The following MAN2B2 variants were observed in gnomAD, a reference collection of about 807,000 sequenced individuals.
MAN2B2 encodes mannosidase alpha class 2B member 2.
Under a neutral mutation model 117.1 loss-of-function variants are expected in MAN2B2, and 106 were observed. The observed-to-expected ratio is 0.90, with a 90% confidence interval of 0.77 to 1.06. MAN2B2 has a LOEUF of 1.06. MAN2B2 is among the 50% of genes least tolerant of loss of function. The probability of loss-of-function intolerance (pLI) is 0.00; values close to 1 mark genes in which losing one functional copy is unlikely to be tolerated. For synonymous variants in MAN2B2, 544 were observed against 595.1 expected (o/e 0.91, Z 1.25); for missense variants, 1,326 against 1,381.4 (o/e 0.96, Z 0.64).
intron 5 of MAN2B2, 25 bp from the exon 6 acceptor site, chr4:6,593,148 G>A (rs112776271): frequency 1.9e-6 from 3 of 1,610,432 alleles, no homozygotes; most frequent in African/African-American, 2.7e-5. Flanking sequence ...CGTGTCTTCT[G>A]CCCTAACCTT....
At chr4:6,579,319 TCACCAC>T (rs748293245) in intron 3 of MAN2B2, among the ~76,000 whole-genome samples, 846 of 17,350 alleles carry the variant, frequency 0.049, 54 homozygotes, top group Middle Eastern at 0.36. Flanking sequence ...ACCACCACCA[TCACCAC>T]CACCACCACC....
chr4:6,579,203 AT>A (rs1726268042), intron 3 of MAN2B2, among the ~76,000 whole-genome samples: 1 of 72,572 alleles, frequency 1.4e-5, no homozygotes, highest in Non-Finnish European at 3.3e-5. Context: ...CACCACCACC[AT>A]CACCATCACC....
At chr4:6,592,020 G>A (rs961271786) in intron 5 of MAN2B2, among the ~76,000 whole-genome samples, 4 of 152,214 alleles carry the variant, frequency 2.6e-5, no homozygotes, top group East Asian at 1.9e-4. Context: ...TGGAGCCAGC[G>A]TTGGATTCAG....
chr4:6,608,598 CTTGGG>C (rs1413614731), intron 11 of MAN2B2, among the ~76,000 whole-genome samples: 1 of 152,212 alleles, frequency 6.6e-6, no homozygotes, highest in Non-Finnish European at 1.5e-5. Context: ...GATGTGTGAT[CTTGGG>C]TACATGATGT....
At chr4:6,596,999 G>C in intron 7 of MAN2B2, 114 bp from the exon 8 acceptor site, 2 of 1,056,140 alleles carry the variant, frequency 1.9e-6, no homozygotes, top group East Asian at 5.2e-5. Context: ...CTCCTTGGGT[G>C]ACCCTGGCAG....
rs754593597 is a variant in MAN2B2 at position 6,605,323 on chromosome 4, G to C, written c.1808G>C (p.Trp603Ser). 7 of 1,607,990 alleles carry C rather than the reference G, an allele frequency of 4.4e-6. No individual in the cohort carries two copies. Among genetic ancestry groups the C allele is most frequent in the Non-Finnish European group, 6.0e-6 (7 of 1,175,294 alleles). ...GATACCAACCTGATGCACAGCATCTGGGAGAGGTAAGGTGCAGCCATTGCT... is the reference window on the plus strand; with the variant it reads ...GATACCAACCTGATGCACAGCATCTCGGAGAGGTAAGGTGCAGCCATTGCT... ...DQDTNLMHSIWERQSNRTVRV... is the reference protein window; with the variant it reads ...DQDTNLMHSISERQSNRTVRV... Residue 603 changes from tryptophan to serine, a missense_variant, in exon 11 of 19, where the codon TGG (tryptophan) becomes TCG (serine). Transcript: ENST00000285599.
intron 11 of MAN2B2, among the ~76,000 whole-genome samples, chr4:6,607,933 C>T (rs1199809005): frequency 2.0e-5 from 3 of 152,136 alleles, no homozygotes; most frequent in Admixed American, 1.3e-4. Flanking sequence ...TTCTCGTGGG[C>T]GAGAAGTGGC....
In MAN2B2 at chr4:6,605,072, G is replaced by C; in HGVS notation, c.1557G>C (p.Glu519Asp). The C allele has an allele frequency of 6.2e-7, 1 of 1,613,340 alleles. No homozygotes were observed. The highest frequency in any genetic ancestry group is 8.5e-7 in the Non-Finnish European group (1 of 1,179,410). Reference protein sequence around the residue: ...PVPSQIQNSTETPSAYDLLIL... With the variant: ...PVPSQIQNSTDTPSAYDLLIL... ...CCTTGCAGATCCAGAACTCAACAGAGACCCCATCTGCGTATGACCTGCTTA... is the reference window on the plus strand; with the variant it reads ...CCTTGCAGATCCAGAACTCAACAGACACCCCATCTGCGTATGACCTGCTTA... The change falls in exon 11 of 19, where the codon GAG (glutamate) becomes GAC (aspartate). Residue 519 changes from glutamate (E) to aspartate (D), a missense_variant. Transcript: ENST00000285599.
intron 3 of MAN2B2, among the ~76,000 whole-genome samples, chr4:6,586,365 C>T (rs540629148): frequency 1.8e-3 from 273 of 152,290 alleles, no homozygotes; most frequent in Non-Finnish European, 3.0e-3. Context: ...TGGCCTTGGA[C>T]GTCTTTTGAA....
At position 6,576,599 on chromosome 4, in the gene MAN2B2, G is replaced by A. The variant is rs145563570; in HGVS notation, c.160G>A (p.Ala54Thr). Residue 54 changes from alanine (A) to threonine (T), a missense_variant, in exon 2 of 19, where the codon GCC (alanine) becomes ACC (threonine). By Grantham distance (58) the Ala-to-Thr change is moderately conservative. Coordinates refer to ENST00000285599, the MANE Select transcript of MAN2B2 (RefSeq NM_015274.3). ...CCAGGAAAGCATGCGGGCGTACGCC[G>A]CCAATGTCTACACCTCAGTGGTGGA... Reference protein sequence around the residue: ...TVQESMRAYAANVYTSVVEEL... With the variant: ...TVQESMRAYATNVYTSVVEEL... 3.6e-4 allele frequency: 588 copies of A among 1,613,204 alleles called. No homozygotes were observed. Among genetic ancestry groups the A allele is most frequent in the Non-Finnish European group, 4.5e-4 (532 of 1,179,758 alleles).
rs144159283 is a variant in MAN2B2, at chr4:6,622,108, T to G, written c.*823T>G. On this transcript the variant is annotated 3_prime_UTR_variant, in exon 19 of 19. Coordinates refer to ENST00000285599, the MANE Select transcript of MAN2B2 (RefSeq NM_015274.3). ...GTTCTGTCCATACAATGGAATATTATTTGGCCATAAAAAGGAAGGAAATTC... is the reference window on the plus strand; with the variant it reads ...GTTCTGTCCATACAATGGAATATTAGTTGGCCATAAAAAGGAAGGAAATTC... 8 of 152,350 alleles carry G rather than the reference T, an allele frequency of 5.3e-5. No individual in the cohort carries two copies. The highest frequency in any genetic ancestry group is 1.7e-4 in the African/African-American group (7 of 41,578). 9.4% of individuals were successfully genotyped at this position (152,350 alleles called of 1,614,324 possible).
rs769621540 is a variant in MAN2B2, at chr4:6,609,896, A to G, written c.2105A>G (p.Gln702Arg). The G allele has an allele frequency of 3.7e-6, 6 of 1,614,164 alleles. No homozygotes were observed. The highest frequency in any genetic ancestry group is 5.1e-6 in the Non-Finnish European group (6 of 1,180,032). The part of the protein sequence containing the change: ...DGELLCHRIE[Q>R]EYQAGPLELN... ...GAGCTGCTCTGCCACCGGATAGAGC[A>G]GGAGTACCAAGCCGGCCCCCTGGAG... The change falls in exon 13 of 19, where the codon CAG (glutamine) becomes CGG (arginine). Residue 702 changes from glutamine (Q) to arginine (R), a missense_variant. Coordinates refer to ENST00000285599, the MANE Select transcript of MAN2B2 (RefSeq NM_015274.3).
chr4:6,575,248 T>C lies in MAN2B2; in HGVS notation c.38T>C (p.Leu13Pro). 6.5e-7 allele frequency: 1 copy of C among 1,544,538 alleles called. No individual in the cohort carries two copies. Among genetic ancestry groups the C allele is most frequent in the Non-Finnish European group, 8.7e-7 (1 of 1,150,634 alleles). ...QLCWLPLLAPLLLLRPPGVQS... is the reference protein window; with the variant it reads ...QLCWLPLLAPPLLLRPPGVQS... ...TGCTGGCTGCCGCTGCTGGCACCGC[T>C]CCTGTTGCTGCGACCGCCAGGGGTC... Residue 13 changes from leucine (L) to proline (P), a missense_variant, in exon 1 of 19, where the codon CTC becomes CCC. Transcript: ENST00000285599.
chr4:6,612,486 T>C (rs1711618029), intron 15 of MAN2B2, among the ~76,000 whole-genome samples: 1 of 152,164 alleles, frequency 6.6e-6, no homozygotes, highest in African/African-American at 2.4e-5. Flanking sequence ...GAGAAGCTCA[T>C]GGAATCTAAG....
chr4:6,609,472 G>A (rs1024497242), intron 12 of MAN2B2, 174 bp downstream of exon 12: 10 of 691,686 alleles, frequency 1.4e-5, no homozygotes, highest in Middle Eastern at 4.1e-4. Flanking sequence ...CTGCGTTTGC[G>A]TGTGCTGTGT....
At chr4:6,597,013 CT>C in intron 7 of MAN2B2, 99 bp from the exon 8 acceptor site, 1 of 1,220,688 alleles carries the variant, frequency 8.2e-7, no homozygotes, top group Non-Finnish European at 1.2e-6. Context: ...CTGGCAGAGG[CT>C]GCCTCTGCAG....
chr4:6,590,316 C>T (rs1726806852), intron 5 of MAN2B2, among the ~76,000 whole-genome samples: 1 of 151,382 alleles, frequency 6.6e-6, no homozygotes. Context: ...ACCCGGGAGG[C>T]ACAGGTTGCA....
chr4:6,576,003 T>C (rs1726045414), intron 1 of MAN2B2, among the ~76,000 whole-genome samples: 1 of 152,180 alleles, frequency 6.6e-6, no homozygotes. Context: ...CTTCCATTCA[T>C]GTAAGCACTC....
chr4:6,598,120 G>A (rs921065822), intron 8 of MAN2B2, 78 bp from the exon 9 acceptor site: 22 of 1,491,892 alleles, frequency 1.5e-5, no homozygotes, highest in Middle Eastern at 1.8e-4. Context: ...GAGAGCCAGC[G>A]CCTAGTAGGT....
Sources: gnomAD v4.1 joint callset for allele counts (sites outside exome capture counted in the v4.1 genomes callset) on GRCh38, gnomAD v4.1.1 for gene constraint, MANE v1.5 for transcripts, NCBI Gene and HGNC (gene_info 2026-07-23, HGNC 2026-07-21) for gene names.